Variants in CNTNAP5 observed in about 807,000 individuals in gnomAD.
The protein encoded by CNTNAP5 is contactin associated protein family member 5.
Under a neutral mutation model 150.2 loss-of-function variants are expected in CNTNAP5, and 72 were observed. That is an observed-to-expected ratio of 0.48 (90% CI 0.40 to 0.58). The LOEUF is 0.58. Among genes scored for constraint, CNTNAP5 ranks in the 20% least tolerant of loss-of-function variants. CNTNAP5 has a pLI of 0.00. For synonymous variants in CNTNAP5, 672 were observed against 619.8 expected (o/e 1.08, Z -1.25); for missense variants, 1,636 against 1,626.2 (o/e 1.01, Z -0.10).
At chr2:124,234,980 AG>A (rs1686713339) in intron 2 of CNTNAP5, among the ~76,000 whole-genome samples, 1 of 152,186 alleles carries the variant, frequency 6.6e-6, no homozygotes, top group Non-Finnish European at 1.5e-5. Context: ...GAAGCTGAGC[AG>A]AGACAGGACT....
chr2:124,273,879 C>T lies in CNTNAP5; in HGVS notation c.381+31486C>T, dbSNP rs563665051. Among the ~76,000 whole-genome samples the T allele has an allele frequency of 2.0e-4, 30 of 152,268 alleles. 1 individual carries two copies. In the South Asian group the frequency reaches 3.1e-3, roughly 16 times the overall value. On this transcript the variant is annotated intron_variant, in intron 3 of 23. Coordinates refer to ENST00000682447, the MANE Select transcript of CNTNAP5 (RefSeq NM_001367498.1). ...CTTGAAGCTCAAAAACTTTAAATAA[C>T]TTGACCAACTACATATGTCCAGTTA...
rs533223951 is a variant in CNTNAP5 at position 124,915,456 on chromosome 2, T to G, written c.*1168T>G. ...ACCTGGTGAAGATAGTTAATTCAAA[T>G]TTGCAAGTTTCACATTTTTTAACAT... On this transcript the variant is annotated 3_prime_UTR_variant, in exon 24 of 24. Coordinates refer to ENST00000682447, the MANE Select transcript of CNTNAP5 (RefSeq NM_001367498.1). Among the ~76,000 whole-genome samples, 1 of 152,108 alleles carries G rather than the reference T, an allele frequency of 6.6e-6. No homozygotes were observed. The highest frequency in any genetic ancestry group is 1.9e-4 in the East Asian group (1 of 5,140).
intron 11 of CNTNAP5, among the ~76,000 whole-genome samples, chr2:124,592,096 C>T (rs1558694963): frequency 6.6e-6 from 1 of 152,072 alleles, no homozygotes; most frequent in East Asian, 1.9e-4. Context: ...ATGAGTGCAA[C>T]ATAGTTTATT....
intron 13 of CNTNAP5, among the ~76,000 whole-genome samples, chr2:124,660,428 C>T (rs1376999305): frequency 6.6e-6 from 1 of 152,084 alleles, no homozygotes; most frequent in East Asian, 1.9e-4. Context: ...ACAGTGCTGT[C>T]CAATGAAAAT....
intron 3 of CNTNAP5, among the ~76,000 whole-genome samples, chr2:124,359,268 T>C (rs981033548): frequency 7.9e-5 from 12 of 151,188 alleles, no homozygotes; most frequent in East Asian, 3.9e-4. Flanking sequence ...CCTGGATTCA[T>C]TGATTTTTTG....
At position 124,647,833 on chromosome 2, in the gene CNTNAP5, C is replaced by T. The variant is rs1336125646; in HGVS notation, c.1952C>T (p.Pro651Leu). 1 of 1,613,482 alleles carries T rather than the reference C, an allele frequency of 6.2e-7. No homozygotes were observed. The highest frequency in any genetic ancestry group is 8.5e-7 in the Non-Finnish European group (1 of 1,179,700). The change falls in exon 13 of 24, where the codon CCC becomes CTC. Residue 651 changes from proline to leucine, a missense_variant. Physicochemically the swap from Pro to Leu is moderately conservative, Grantham distance 98. Coordinates refer to ENST00000682447, the MANE Select transcript of CNTNAP5 (RefSeq NM_001367498.1). Reference protein sequence around the residue: ...TRVRGANPEKPYAMALDYGGS... With the variant: ...TRVRGANPEKLYAMALDYGGS... Reference sequence around the variant, plus strand: ...GTGCGGGGCGCTAACCCTGAGAAGCCCTATGCCATGGCCTTGGACTACGGG... The same window carrying T: ...GTGCGGGGCGCTAACCCTGAGAAGCTCTATGCCATGGCCTTGGACTACGGG...
chr2:124,702,887 T>C (rs1679552221), intron 13 of CNTNAP5, among the ~76,000 whole-genome samples: 1 of 152,086 alleles, frequency 6.6e-6, no homozygotes, highest in Non-Finnish European at 1.5e-5. Context: ...TCAGAGGACA[T>C]CAAAAAGTAC....
At chr2:124,332,982 T>C (rs866921023) in intron 3 of CNTNAP5, among the ~76,000 whole-genome samples, 1 of 152,164 alleles carries the variant, frequency 6.6e-6, no homozygotes, top group African/African-American at 2.4e-5. Flanking sequence ...TTCAGTACCA[T>C]GTAGACAGAA....
At chr2:124,268,145 T>G (rs1687659634) in intron 3 of CNTNAP5, among the ~76,000 whole-genome samples, 1 of 152,206 alleles carries the variant, frequency 6.6e-6, no homozygotes, top group Non-Finnish European at 1.5e-5. Flanking sequence ...GGTTTGTGAC[T>G]GTCTGCACTG....
intron 18 of CNTNAP5, among the ~76,000 whole-genome samples, chr2:124,796,468 GATGTCTGC>G (rs1225024050): frequency 3.3e-5 from 5 of 152,204 alleles, no homozygotes; most frequent in Admixed American, 3.3e-4. Flanking sequence ...CACTGTCACA[GATGTCTGC>G]TGCATATTTT....
At chr2:124,406,930 C>A (rs1691585105) in intron 3 of CNTNAP5, among the ~76,000 whole-genome samples, 1 of 152,170 alleles carries the variant, frequency 6.6e-6, no homozygotes, top group African/African-American at 2.4e-5. Context: ...TTAGCTCTCA[C>A]ATATGAGTGC....
intron 6 of CNTNAP5, among the ~76,000 whole-genome samples, chr2:124,468,866 C>T (rs547198216): frequency 6.6e-6 from 1 of 152,318 alleles, no homozygotes; most frequent in South Asian, 2.1e-4. Flanking sequence ...TGGAACCCCT[C>T]TAGCCTTTCT....
intron 3 of CNTNAP5, among the ~76,000 whole-genome samples, chr2:124,354,248 A>G (rs1471977201): frequency 6.6e-6 from 1 of 152,202 alleles, no homozygotes; most frequent in Non-Finnish European, 1.5e-5. Context: ...GATGTTTTTA[A>G]AAAGGTGAAT....
intron 20 of CNTNAP5, among the ~76,000 whole-genome samples, chr2:124,867,238 G>A (rs1677652082): frequency 6.6e-6 from 1 of 152,118 alleles, no homozygotes; most frequent in African/African-American, 2.4e-5. Flanking sequence ...AAACAAGCCA[G>A]CATATCTCTG....
chr2:124,534,656 C>T (rs550603337), intron 10 of CNTNAP5, among the ~76,000 whole-genome samples: 475 of 152,256 alleles, frequency 3.1e-3, no homozygotes, highest in Middle Eastern at 0.01. Flanking sequence ...AGGTGGATCA[C>T]GAGGTCAGGA....
intron 1 of CNTNAP5, among the ~76,000 whole-genome samples, chr2:124,117,472 T>C (rs1683454284): frequency 6.6e-6 from 1 of 152,160 alleles, no homozygotes; most frequent in South Asian, 2.1e-4. Context: ...TCTCAATTTA[T>C]AACAAGAAGC....
chr2:124,269,662 A>C (rs1687693555), intron 3 of CNTNAP5, among the ~76,000 whole-genome samples: 1 of 152,198 alleles, frequency 6.6e-6, no homozygotes, highest in Non-Finnish European at 1.5e-5. Context: ...GTGGAACAAA[A>C]GGCAGCCCTG....
chr2:124,362,176 G>C (rs1171801074), intron 3 of CNTNAP5, among the ~76,000 whole-genome samples: 2 of 152,228 alleles, frequency 1.3e-5, no homozygotes, highest in Non-Finnish European at 2.9e-5. Context: ...GCTGGCGCAT[G>C]GTGCGCGAAC....
At chr2:124,464,061 C>G (rs1179211397) in intron 6 of CNTNAP5, among the ~76,000 whole-genome samples, 1 of 152,094 alleles carries the variant, frequency 6.6e-6, no homozygotes, top group Non-Finnish European at 1.5e-5. Flanking sequence ...CCTACTATTG[C>G]TATTACTAAA....
Sources: allele counts gnomAD v4.1 joint callset (sites outside exome capture counted in the v4.1 genomes callset), GRCh38; gene constraint gnomAD v4.1.1; transcripts MANE v1.5; gene names NCBI Gene and HGNC (gene_info 2026-07-23, HGNC 2026-07-21).